Variants in COMMD5 observed in about 807,000 individuals in gnomAD.
COMMD5 encodes the protein COMM domain-containing protein 5.
A neutral mutation model predicts 6.9 loss-of-function variants in COMMD5; 10 were observed. That is an observed-to-expected ratio of 1.44 (90% CI 0.89 to 2.45). The LOEUF (loss-of-function observed/expected upper bound fraction) is 2.45, where lower values mean the gene tolerates loss of function less well. Ranked by LOEUF, COMMD5 falls within the 30% of genes most tolerant of loss-of-function variation. COMMD5 has a pLI of 0.00. For missense variants in COMMD5, 234 were observed against 287.8 expected (o/e 0.81, Z 1.35); for synonymous variants, 127 against 125.3 (o/e 1.01, Z -0.09).
downstream of COMMD5, among the ~76,000 whole-genome samples, chr8:144,839,931 C>T (rs553279158): frequency 9.9e-5 from 15 of 152,270 alleles, no homozygotes; most frequent in South Asian, 2.1e-4. Flanking sequence ...CTCTCTCTGC[C>T]GCTGCTCTTT....
chr8:144,838,384 AC>A, downstream of COMMD5: 1 of 484,158 alleles, frequency 2.1e-6, no homozygotes, highest in Non-Finnish European at 3.7e-6. Flanking sequence ...TAACCAGGGC[AC>A]CCACTGCCTC....
downstream of COMMD5, chr8:144,846,113 C>G (rs1191781858): frequency 5.2e-6 from 8 of 1,536,000 alleles, no homozygotes; most frequent in Non-Finnish European, 7.0e-6. Flanking sequence ...GTCATCTCCT[C>G]TTGGCCACTT....
At chr8:144,848,112 G>C (rs1429088013), downstream of COMMD5, among the ~76,000 whole-genome samples, 2 of 152,102 alleles carry the variant, frequency 1.3e-5, no homozygotes, top group Non-Finnish European at 2.9e-5. Context: ...TTGGGAGGCC[G>C]AGGTGGGCAG....
exon 2 of COMMD5, chr8:144,841,599 CA>C: frequency 1.2e-6 from 2 of 1,614,152 alleles, no homozygotes; most frequent in Non-Finnish European, 1.7e-6. Context: ...AGACCTTCAC[CA>C]AGGACGCACC....
At chr8:144,842,858 G>GT (rs765787395) in intron 1 of COMMD5, 2 of 1,614,128 alleles carry the variant, frequency 1.2e-6, no homozygotes, top group Non-Finnish European at 1.7e-6. Flanking sequence ...TATGAGTGCA[G>GT]TGAGTGTGGA....
intron 1 of COMMD5, chr8:144,841,944 A>C: frequency 1.2e-6 from 2 of 1,614,036 alleles, no homozygotes; most frequent in South Asian, 2.2e-5. Context: ...AACCCTTTAA[A>C]TGCACTGAGT....
At chr8:144,842,312 C>T in intron 1 of COMMD5, 1 of 1,613,908 alleles carries the variant, frequency 6.2e-7, no homozygotes, top group Non-Finnish European at 8.5e-7. Flanking sequence ...AGCCTTGTTG[C>T]ACATCAGAGA....
At chr8:144,841,877 A>G in intron 1 of COMMD5, 1 of 1,614,150 alleles carries the variant, frequency 6.2e-7, no homozygotes, top group Non-Finnish European at 8.5e-7. Context: ...GAGTGTGGGA[A>G]AGTCTTCAGG....
chr8:144,851,422 C>T, intron 1 of COMMD5, 27 bp from the exon 2 acceptor site: 3 of 1,442,128 alleles, frequency 2.1e-6, no homozygotes, highest in Non-Finnish European at 2.8e-6. Context: ...GAGAGAAGAC[C>T]AGTGACTCTC....
downstream of COMMD5, among the ~76,000 whole-genome samples, chr8:144,849,321 C>T (rs1054097394): frequency 6.6e-6 from 1 of 152,134 alleles, no homozygotes; most frequent in African/African-American, 2.4e-5. Context: ...GAGTGATCGA[C>T]CAGATGGCAG....
downstream of COMMD5, chr8:144,845,848 G>C (rs1385712309): frequency 1.2e-6 from 1 of 826,068 alleles, no homozygotes; most frequent in Non-Finnish European, 1.9e-6. Context: ...CTGTGCACGT[G>C]GAGTATGTGT....
chr8:144,848,402 C>T (rs895464724), downstream of COMMD5, among the ~76,000 whole-genome samples: 2 of 150,866 alleles, frequency 1.3e-5, no homozygotes, highest in South Asian at 4.2e-4. Context: ...GAGGCTGAGA[C>T]ATGAGAATTG....
chr8:144,848,751 C>T (rs1180133370), downstream of COMMD5, among the ~76,000 whole-genome samples: 1 of 152,178 alleles, frequency 6.6e-6, no homozygotes, highest in Non-Finnish European at 1.5e-5. Context: ...AACCCCACTG[C>T]TCCCCCTTGC....
chr8:144,853,521 C>A (rs921001477), upstream of COMMD5: 1 of 152,208 alleles, frequency 6.6e-6, no homozygotes, highest in South Asian at 2.1e-4. Flanking sequence ...AGAGCTGCCC[C>A]GTTTCCCCTC....
downstream of COMMD5, chr8:144,838,544 G>T (rs1829363700): frequency 3.9e-5 from 7 of 177,976 alleles, no homozygotes; most frequent in South Asian, 9.6e-4. Context: ...GTTGCTGCTG[G>T]GTCATCACCG....
chr8:144,838,231 A>G, downstream of COMMD5: 1 of 678,794 alleles, frequency 1.5e-6, no homozygotes, highest in Non-Finnish European at 2.7e-6. Context: ...ATCTCCTTAG[A>G]AGGACACCAG....
chr8:144,843,626 A>AATGT (rs1201184098), intron 1 of COMMD5: 1 of 152,610 alleles, frequency 6.6e-6, no homozygotes, highest in Admixed American at 6.5e-5. Context: ...CTTCATACAA[A>AATGT]ATGTATGTTT....
intron 1 of COMMD5, chr8:144,841,850 A>C: frequency 6.2e-7 from 1 of 1,614,200 alleles, no homozygotes; most frequent in Middle Eastern, 1.6e-4. Context: ...CATGGAGAGA[A>C]GCCGTACGAA....
At chr8:144,842,410 C>A (rs1340644074) in intron 1 of COMMD5, 1 of 1,614,090 alleles carries the variant, frequency 6.2e-7, no homozygotes, top group Non-Finnish European at 8.5e-7. Context: ...TCAGCTGATT[C>A]ACACTGGAGA....
Sources: gnomAD v4.1 joint callset for allele counts (sites outside exome capture counted in the v4.1 genomes callset) on GRCh38, gnomAD v4.1.1 for gene constraint, MANE v1.5 for transcripts, NCBI Gene and HGNC (gene_info 2026-07-23, HGNC 2026-07-21) for gene names.